SHANK2: variants seen among roughly 807,000 people sequenced by gnomAD.
SHANK2 encodes SH3 and multiple ankyrin repeat domains 2.
SHANK2 carries 43 observed loss-of-function variants against 133.7 expected under a neutral mutation model. The observed-to-expected ratio is 0.32, with a 90% CI of 0.25 to 0.41. The LOEUF is 0.41. Among genes scored for constraint, SHANK2 ranks in the 10% least tolerant of loss-of-function variants. The pLI is 1.00. For synonymous variants in SHANK2, 1,017 were observed against 952.8 expected (o/e 1.07, Z -1.24); for missense variants, 1,994 against 2,235.8 (o/e 0.89, Z 2.18).
intron 11 of SHANK2, chr11:70,862,813 C>T (rs967262974): frequency 7.3e-6 from 2 of 275,794 alleles, no homozygotes; most frequent in African/African-American, 4.6e-5. Context: ...GGGATTCCCC[C>T]ACGGGAGTAG....
intron 2 of SHANK2, among the ~76,000 whole-genome samples, chr11:71,151,846 C>T (rs568638628): frequency 2.6e-5 from 4 of 152,268 alleles, no homozygotes; most frequent in South Asian, 2.1e-4. Flanking sequence ...GAAGCCCCCC[C>T]TCAGTGGACA....
intron 11 of SHANK2, among the ~76,000 whole-genome samples, chr11:70,874,138 T>C (rs1949516287): frequency 6.6e-6 from 1 of 152,086 alleles, no homozygotes; most frequent in African/African-American, 2.4e-5. Context: ...TATCTATCCA[T>C]ATCCATCTAT....
At chr11:71,187,922 G>A (rs1251493351) in intron 2 of SHANK2, among the ~76,000 whole-genome samples, 1 of 152,156 alleles carries the variant, frequency 6.6e-6, no homozygotes, top group African/African-American at 2.4e-5. Context: ...GGTGCCGGGT[G>A]GCCTTCCCTG....
intron 17 of SHANK2, among the ~76,000 whole-genome samples, chr11:70,658,954 C>T (rs1378175090): frequency 3.3e-5 from 5 of 152,046 alleles, no homozygotes; most frequent in Non-Finnish European, 7.4e-5. Context: ...ATGCGCACTC[C>T]CAACGAGGAC....
intron 12 of SHANK2, among the ~76,000 whole-genome samples, chr11:70,809,153 G>A (rs188830079): frequency 1.7e-4 from 26 of 152,320 alleles, no homozygotes; most frequent in Admixed American, 1.4e-3. Flanking sequence ...AATTCAGGAC[G>A]GCCCTCCCGG....
At chr11:70,889,606 C>T (rs1444105810) in intron 11 of SHANK2, among the ~76,000 whole-genome samples, 1 of 152,200 alleles carries the variant, frequency 6.6e-6, no homozygotes, top group African/African-American at 2.4e-5. Flanking sequence ...ACCGCAGTTC[C>T]AGAGGAACCC....
At chr11:70,837,169 G>A (rs1341386664) in intron 11 of SHANK2, among the ~76,000 whole-genome samples, 1 of 152,212 alleles carries the variant, frequency 6.6e-6, no homozygotes, top group African/African-American at 2.4e-5. Flanking sequence ...TTTTGTTAAA[G>A]TGGCTGCAGC....
At chr11:70,575,182 G>A (rs1554983968) in intron 17 of SHANK2, among the ~76,000 whole-genome samples, 1 of 152,180 alleles carries the variant, frequency 6.6e-6, no homozygotes, top group African/African-American at 2.4e-5. Context: ...ACCCAGGCGG[G>A]CAGCAGAGGA....
At chr11:70,611,396 T>G (rs1355648991) in intron 17 of SHANK2, among the ~76,000 whole-genome samples, 2 of 152,176 alleles carry the variant, frequency 1.3e-5, no homozygotes, top group African/African-American at 4.8e-5. Flanking sequence ...CAACTCATCG[T>G]CACTCCAGCC....
intron 17 of SHANK2, among the ~76,000 whole-genome samples, chr11:70,637,626 G>C (rs2061122159): frequency 6.6e-6 from 1 of 152,248 alleles, no homozygotes. Context: ...CCAGCGCTCA[G>C]GAAGGCCGGG....
chr11:70,543,293 T>C (rs1285889957), intron 17 of SHANK2, among the ~76,000 whole-genome samples: 2 of 152,116 alleles, frequency 1.3e-5, no homozygotes, highest in Non-Finnish European at 2.9e-5. Flanking sequence ...CTTTGTATGC[T>C]AGTGAGATGA....
chr11:70,541,335 G>A (rs914591443), intron 17 of SHANK2, among the ~76,000 whole-genome samples: 2 of 152,220 alleles, frequency 1.3e-5, no homozygotes, highest in Non-Finnish European at 2.9e-5. Context: ...AGCCTGGCGG[G>A]AACAGTAGGA....
chr11:70,486,795 C>A lies in SHANK2; in HGVS notation c.3498G>T (p.Pro1166=). The A allele has an allele frequency of 6.2e-7, 1 of 1,612,174 alleles. No homozygotes were observed. The change falls in exon 25 of 26, where the codon CCG becomes CCT. Residue 1166 remains proline, a synonymous_variant. Transcript: ENST00000601538. This position sits in a 1 kb window ranked among gnomAD's most constrained non-coding sequence, Gnocchi z 8.0. ...AATTCAGCGGCCTCCCAGCCTCACC[C>A]GGAGCACTGGCCTCGGCGCCACCCA... The part of the protein sequence containing the change: ...HFVGGAEASA[P]GEAGRPLNST...
At chr11:70,527,852 G>A (rs1339598421) in intron 17 of SHANK2, among the ~76,000 whole-genome samples, 2 of 152,258 alleles carry the variant, frequency 1.3e-5, no homozygotes, top group Non-Finnish European at 2.9e-5. Context: ...GCAGAGAGGA[G>A]GCTGCGGAGG....
chr11:71,151,269 C>T (rs1952792463), intron 2 of SHANK2, among the ~76,000 whole-genome samples: 1 of 126,784 alleles, frequency 7.9e-6, no homozygotes, highest in South Asian at 2.5e-4. Context: ...GGCAGTTCAC[C>T]AGGAACCAAC....
intron 17 of SHANK2, among the ~76,000 whole-genome samples, chr11:70,586,787 C>T (rs972295082): frequency 1.3e-5 from 2 of 152,186 alleles, no homozygotes; most frequent in Non-Finnish European, 2.9e-5. Flanking sequence ...CTCGAGGGTA[C>T]CGCTCCCCGG....
chr11:70,680,512 CT>C (rs1401910528), intron 15 of SHANK2, among the ~76,000 whole-genome samples: 37 of 152,156 alleles, frequency 2.4e-4, no homozygotes, highest in Admixed American at 2.4e-3. Context: ...CACTCTCTGC[CT>C]CTGACCCCCT....
intron 14 of SHANK2, among the ~76,000 whole-genome samples, chr11:70,746,212 C>A (rs1555036048): frequency 6.6e-6 from 1 of 152,264 alleles, no homozygotes. Context: ...GCGTGCCCAG[C>A]CACACTTGTA....
intron 6 of SHANK2, among the ~76,000 whole-genome samples, chr11:71,103,669 A>G (rs1951755242): frequency 6.6e-6 from 1 of 152,176 alleles, no homozygotes; most frequent in Non-Finnish European, 1.5e-5. Context: ...GTGGAGATGT[A>G]ATCTCCGGGG....
Sources: gnomAD v4.1 joint callset for allele counts (sites outside exome capture counted in the v4.1 genomes callset) on GRCh38, gnomAD v4.1.1 for gene constraint, Gnocchi (gnomAD v3.1) non-coding constraint, MANE v1.5 for transcripts, NCBI Gene and HGNC (gene_info 2026-07-23, HGNC 2026-07-21) for gene names.